The following PCDH15 variants were observed in gnomAD, a reference collection of about 807,000 sequenced individuals.
PCDH15 encodes the protein protocadherin related 15.
PCDH15 carries 129 observed loss-of-function variants against 178.5 expected under a neutral mutation model. The ratio of observed to expected loss-of-function variants is 0.72; its 90% CI spans 0.63 to 0.84. The LOEUF (loss-of-function observed/expected upper bound fraction) is 0.84. Among genes scored for constraint, PCDH15 ranks in the 40% least tolerant of loss-of-function variants. PCDH15 has a pLI of 0.00. For synonymous variants in PCDH15, 800 were observed against 732.0 expected (o/e 1.09, Z -1.50); for missense variants, 2,230 against 2,099.9 (o/e 1.06, Z -1.21).
At chr10:54,055,324 A>C (rs937639614) in intron 18 of PCDH15, among the ~76,000 whole-genome samples, 2 of 152,172 alleles carry the variant, frequency 1.3e-5, no homozygotes, top group Non-Finnish European at 2.9e-5. Flanking sequence ...TTATGGTTCT[A>C]TTTTTGTTAC....
chr10:54,695,633 A>C (rs1013732766), intron 1 of PCDH15, among the ~76,000 whole-genome samples: 2 of 152,122 alleles, frequency 1.3e-5, no homozygotes, highest in African/African-American at 4.8e-5. Context: ...GCTTCAAAGC[A>C]TCAAAGTACA....
intron 2 of PCDH15, among the ~76,000 whole-genome samples, chr10:54,549,097 AT>A (rs2086227128): frequency 6.6e-6 from 1 of 151,008 alleles, no homozygotes; most frequent in South Asian, 2.1e-4. Context: ...TTTAATTTCT[AT>A]TTTTCCTGTT....
intron 1 of PCDH15, among the ~76,000 whole-genome samples, chr10:55,249,268 G>C (rs549621659): frequency 4.6e-5 from 7 of 152,052 alleles, no homozygotes; most frequent in Non-Finnish European, 8.8e-5. Flanking sequence ...GATAGATAAA[G>C]GACTTACATA....
intron 1 of PCDH15, among the ~76,000 whole-genome samples, chr10:54,778,881 A>T (rs1298898638): frequency 2.6e-5 from 4 of 152,100 alleles, no homozygotes; most frequent in Admixed American, 2.6e-4. Flanking sequence ...GGCATCAAAG[A>T]AAAAAATACA....
At chr10:53,839,611 A>T (rs2132748270) in intron 29 of PCDH15, among the ~76,000 whole-genome samples, 1 of 152,256 alleles carries the variant, frequency 6.6e-6, no homozygotes, top group South Asian at 2.1e-4. Context: ...ATTGAGATAG[A>T]ATTTCATTAC....
chr10:54,457,704 T>A (rs2076919435), intron 3 of PCDH15, among the ~76,000 whole-genome samples: 1 of 152,156 alleles, frequency 6.6e-6, no homozygotes, highest in Admixed American at 6.6e-5. Context: ...TTAAAATACT[T>A]AAAATTTAAT....
intron 18 of PCDH15, among the ~76,000 whole-genome samples, chr10:54,054,317 C>T (rs1177126954): frequency 6.6e-6 from 1 of 151,904 alleles, no homozygotes; most frequent in African/African-American, 2.4e-5. Context: ...TTTCAAAATC[C>T]AAAGTTTAAG....
intron 15 of PCDH15, among the ~76,000 whole-genome samples, chr10:54,121,996 GACACATACACACAC>G (rs2095227490): frequency 1.0e-5 from 1 of 95,856 alleles, no homozygotes; most frequent in Non-Finnish European, 2.3e-5. Flanking sequence ...ACCGGGCAAA[GACACATACACACAC>G]ACACACACAC....
Position 54,183,588 on chromosome 10 carries a change from T to A in PCDH15, c.1446A>T (p.Thr482=). 1 of 1,613,930 alleles carries A rather than the reference T, an allele frequency of 6.2e-7. No homozygotes were observed. Among genetic ancestry groups the A allele is most frequent in the South Asian group, 1.1e-5 (1 of 91,084 alleles). ...CACTTTCTTGTACACCATCAAATGC[T>A]GTTATCTTTGGGAGGAGAAAAATAC... ...EEQQTYTFSI[T]AFDGVQESEP... Residue 482 remains threonine (T), a synonymous_variant, in exon 13 of 38, where the codon ACA becomes ACT. Coordinates refer to ENST00000644397, the MANE Select transcript of PCDH15 (RefSeq NM_001384140.1).
chr10:54,296,929 C>CTAT lies in PCDH15; in HGVS notation c.876+20341_876+20342insATA, dbSNP rs747786546. The stretch of plus-strand genomic sequence containing the variant: ...TATTAACAGGAGAATGCTTAGGACT[C>CTAT]TAACAGGTTTTCTAGAATGCATTGG... On this transcript the variant is annotated intron_variant, in intron 8 of 37. Transcript: ENST00000644397. Among the ~76,000 whole-genome samples, 22 of 152,274 alleles carry CTAT rather than the reference C, an allele frequency of 1.4e-4. No individual in the cohort carries two copies. In the East Asian group the frequency reaches 3.3e-3, roughly 23 times the overall value.
At chr10:54,535,598 T>A (rs1010882548) in intron 2 of PCDH15, among the ~76,000 whole-genome samples, 1 of 149,256 alleles carries the variant, frequency 6.7e-6, no homozygotes, top group Admixed American at 6.8e-5. Flanking sequence ...TAGTCCCAGC[T>A]ATTCGGGAGG....
At chr10:54,376,054 C>T (rs1042623927) in intron 4 of PCDH15, among the ~76,000 whole-genome samples, 4 of 151,236 alleles carry the variant, frequency 2.6e-5, no homozygotes, top group African/African-American at 9.7e-5. Flanking sequence ...TGCCACAATG[C>T]CTGGATAAGT....
At position 54,975,637 on chromosome 10, in the gene PCDH15, AAGTT is replaced by A. The variant is rs140645577; in HGVS notation, c.-79-78141_-79-78138del. ...TGAGATAAACATTAAAGATAACTAG[AAGTT>A]AGTAAGGTAAATGAGGCAGAAAGAG... On this transcript the variant is annotated intron_variant, in intron 2 of 5. Transcript: ENST00000458638. Among the ~76,000 whole-genome samples the A allele has an allele frequency of 1.2e-4, 19 of 152,244 alleles. No individual in the cohort carries two copies. The East Asian group carries it at 3.3e-3, about 26-fold the overall frequency.
intron 23 of PCDH15, among the ~76,000 whole-genome samples, chr10:53,953,730 A>G (rs2087323426): frequency 6.6e-6 from 1 of 152,170 alleles, no homozygotes; most frequent in Admixed American, 6.6e-5. Context: ...AATAATTTTC[A>G]AACTTCATTA....
intron 2 of PCDH15, among the ~76,000 whole-genome samples, chr10:55,050,299 C>T (rs997768166): frequency 1.6e-4 from 24 of 151,884 alleles, no homozygotes; most frequent in Non-Finnish European, 7.4e-5. Flanking sequence ...GGTTAGTAAC[C>T]TTAATGACAC....
chr10:54,192,081 A>C (rs1564642639), intron 11 of PCDH15, among the ~76,000 whole-genome samples: 1 of 148,910 alleles, frequency 6.7e-6, no homozygotes, highest in African/African-American at 2.5e-5. Context: ...GGAAAGAAGA[A>C]AGAAACAAAG....
chr10:54,313,016 A>C (rs2061004080), intron 8 of PCDH15, among the ~76,000 whole-genome samples: 1 of 152,138 alleles, frequency 6.6e-6, no homozygotes, highest in African/African-American at 2.4e-5. Flanking sequence ...GGAATGGCTC[A>C]ATCTGTTAAA....
chr10:53,921,469 T>C (rs1055442592), intron 25 of PCDH15, among the ~76,000 whole-genome samples: 6 of 152,110 alleles, frequency 3.9e-5, no homozygotes, highest in Admixed American at 2.0e-4. Context: ...CTTGGTTTAC[T>C]ATTACCTCCA....
intron 8 of PCDH15, among the ~76,000 whole-genome samples, chr10:54,262,149 A>G (rs2057357846): frequency 6.6e-6 from 1 of 152,132 alleles, no homozygotes; most frequent in Admixed American, 6.5e-5. Context: ...GAGCACATGC[A>G]GAGGCACAGT....
Sources: allele counts gnomAD v4.1 joint callset (sites outside exome capture counted in the v4.1 genomes callset), GRCh38; gene constraint gnomAD v4.1.1; transcripts MANE v1.5; gene names NCBI Gene and HGNC (gene_info 2026-07-23, HGNC 2026-07-21).